The following FAM120B variants were observed in gnomAD, a reference collection of about 807,000 sequenced individuals.
FAM120B encodes family with sequence similarity 120 member B, also known as constitutive coactivator of peroxisome proliferator-activated receptor gamma.
In FAM120B, 83 loss-of-function variants were observed where a neutral mutation model predicts 96.3. The observed-to-expected ratio is 0.86, with a 90% confidence interval of 0.72 to 1.03. The LOEUF (loss-of-function observed/expected upper bound fraction) is 1.03, where lower values mean the gene tolerates loss of function less well. Among genes scored for constraint, FAM120B ranks in the 50% least tolerant of loss-of-function variants. FAM120B has a pLI of 0.00. For synonymous variants in FAM120B, 407 were observed against 402.7 expected, an observed-to-expected ratio of 1.01 and a Z score of -0.13; for missense variants, 1,027 against 1,121.2, an observed-to-expected ratio of 0.92 and a Z score of 1.20.
chr6:170,315,308 T>C (rs998537955), intron 1 of FAM120B, among the ~76,000 whole-genome samples: 1 of 152,244 alleles, frequency 6.6e-6, no homozygotes, highest in African/African-American at 2.4e-5. Flanking sequence ...TGGTGAAATC[T>C]AAGCCTTCTT....
chr6:170,302,033 A>G (rs1019889046), upstream of FAM120B, among the ~76,000 whole-genome samples: 1 of 152,166 alleles, frequency 6.6e-6, no homozygotes, highest in African/African-American at 2.4e-5. Flanking sequence ...GTATCTTTAC[A>G]ACAGCACCTC....
At chr6:170,356,747 T>C (rs1787980263) in intron 5 of FAM120B, among the ~76,000 whole-genome samples, 1 of 152,208 alleles carries the variant, frequency 6.6e-6, no homozygotes, top group Admixed American at 6.5e-5. Context: ...AATTCAAACC[T>C]GTATTGTCAG....
intron 9 of FAM120B, among the ~76,000 whole-genome samples, chr6:170,398,278 G>A (rs1778312302): frequency 6.6e-6 from 1 of 152,250 alleles, no homozygotes; most frequent in Admixed American, 6.5e-5. Context: ...TTGAATGGTG[G>A]GTGAGACATT....
chr6:170,395,411 C>A, intron 8 of FAM120B, 76 bp from the exon 9 acceptor site: 2 of 1,201,102 alleles, frequency 1.7e-6, no homozygotes, highest in Non-Finnish European at 2.4e-6. Context: ...TGCTGCCTTG[C>A]CACCCTTTAC....
chr6:170,368,259 G>A (rs1788927105), intron 6 of FAM120B, among the ~76,000 whole-genome samples: 1 of 152,178 alleles, frequency 6.6e-6, no homozygotes, highest in African/African-American at 2.4e-5. Flanking sequence ...AAAGGCCAAG[G>A]TTCCGAGTTC....
rs191829737 is a variant in FAM120B at position 170,333,861 on chromosome 6, A to G, written c.2017+3311A>G. Among the ~76,000 whole-genome samples the G allele has an allele frequency of 2.4e-3, 371 of 152,216 alleles. 2 individuals carry two copies. Among genetic ancestry groups the G allele is most frequent in the Non-Finnish European group, 3.9e-3 (268 of 68,012 alleles). The stretch of plus-strand genomic sequence containing the variant: ...TATACTACATTTCATTTCTTTTACA[A>G]TATATCATGGAAGATGATGTTTCTG... On this transcript the variant is annotated intron_variant, in intron 4 of 10. Coordinates refer to ENST00000476287, the MANE Select transcript of FAM120B (RefSeq NM_032448.3).
chr6:170,366,925 T>A (rs2103816), intron 6 of FAM120B, among the ~76,000 whole-genome samples: 87,415 of 151,922 alleles, frequency 0.58, 26,926 homozygotes, highest in Non-Finnish European at 0.68. Flanking sequence ...CTTGTTGCCA[T>A]ATTCATATTC....
chr6:170,332,646 C>T (rs111904514), intron 4 of FAM120B, among the ~76,000 whole-genome samples: 9,893 of 151,880 alleles, frequency 0.065, 1,199 homozygotes, highest in East Asian at 0.57. Flanking sequence ...TGCAGTGAGC[C>T]GAGATCACGC....
chr6:170,324,551 T>C (rs1398519762), intron 3 of FAM120B, among the ~76,000 whole-genome samples: 1 of 152,220 alleles, frequency 6.6e-6, no homozygotes, highest in Non-Finnish European at 1.5e-5. Flanking sequence ...ATGAAAACAT[T>C]TTTACATTAA....
At chr6:170,380,163 T>C (rs1789819535) in intron 6 of FAM120B, among the ~76,000 whole-genome samples, 1 of 152,252 alleles carries the variant, frequency 6.6e-6, no homozygotes, top group African/African-American at 2.4e-5. Flanking sequence ...TCCGTGTTGT[T>C]ACAACATGAC....
rs184340850 is a variant in FAM120B at position 170,403,018 on chromosome 6, C to G, written c.2693-1532C>G. 2.0e-5 allele frequency among the ~76,000 whole-genome samples: 3 copies of G among 152,168 alleles called. No individual in the cohort carries two copies. In the East Asian group the frequency reaches 5.8e-4, roughly 29 times the overall value. ...CTCTGGGAGACTCTTAGGTTAAAGGCAAAATTGAGATGTTAAATGCTGAGT... is the reference window on the plus strand; with the variant it reads ...CTCTGGGAGACTCTTAGGTTAAAGGGAAAATTGAGATGTTAAATGCTGAGT... On this transcript the variant is annotated intron_variant, in intron 9 of 10. Coordinates refer to ENST00000476287, the MANE Select transcript of FAM120B (RefSeq NM_032448.3).
At chr6:170,338,844 CTT>C (rs61188907) in intron 4 of FAM120B, among the ~76,000 whole-genome samples, 35 of 85,396 alleles carry the variant, frequency 4.1e-4, no homozygotes, top group African/African-American at 1.0e-3. Context: ...TTGCAACCTG[CTT>C]TTTTTTTTTT....
intron 5 of FAM120B, among the ~76,000 whole-genome samples, chr6:170,356,733 A>G (rs892911586): frequency 1.3e-5 from 2 of 152,172 alleles, no homozygotes; most frequent in African/African-American, 4.8e-5. Context: ...AAGTGAACCC[A>G]TGCAATTCAA....
chr6:170,306,390 C>T (rs978126735), upstream of FAM120B: 4 of 152,312 alleles, frequency 2.6e-5, no homozygotes, highest in Non-Finnish European at 5.9e-5. Flanking sequence ...CCTGAGGCCC[C>T]GGGAGCCGCC....
chr6:170,392,662 T>G (rs1583309272), intron 8 of FAM120B, among the ~76,000 whole-genome samples: 1 of 152,320 alleles, frequency 6.6e-6, no homozygotes, highest in East Asian at 1.9e-4. Context: ...CAGCCCAGAT[T>G]CTTATCCACC....
intron 6 of FAM120B, among the ~76,000 whole-genome samples, chr6:170,376,432 C>A (rs568625624): frequency 6.6e-6 from 1 of 151,482 alleles, no homozygotes; most frequent in South Asian, 2.1e-4. Context: ...CATTGAAGGA[C>A]CAGCAGAAAG....
chr6:170,376,691 A>G (rs1789540850), intron 6 of FAM120B, among the ~76,000 whole-genome samples: 1 of 152,180 alleles, frequency 6.6e-6, no homozygotes, highest in Non-Finnish European at 1.5e-5. Context: ...GTTACGGATG[A>G]GTGGTGAGGC....
chr6:170,406,218 T>C lies in FAM120B; in HGVS notation c.*1467T>C, dbSNP rs1251992253. 1 of 152,236 alleles carries C rather than the reference T, an allele frequency of 6.6e-6. No homozygotes were observed. The highest frequency in any genetic ancestry group is 1.5e-5 in the Non-Finnish European group (1 of 68,074). 9.4% of individuals were successfully genotyped at this position (152,236 alleles called of 1,614,324 possible). ...CCGTCTTCCAGAAACCTCGAACTTA[T>C]GTCTGTCTCCACCTGAGAAAGGAGA... On this transcript the variant is annotated 3_prime_UTR_variant, in exon 11 of 11. Coordinates refer to ENST00000476287, the MANE Select transcript of FAM120B (RefSeq NM_032448.3).
At position 170,373,465 on chromosome 6, in the gene FAM120B, T is replaced by G. The variant is rs553151015; in HGVS notation, c.2284-14822T>G. 3.9e-5 allele frequency among the ~76,000 whole-genome samples: 6 copies of G among 152,326 alleles called. No homozygotes were observed. The South Asian group carries it at 1.2e-3, about 32-fold the overall frequency. On this transcript the variant is annotated intron_variant, in intron 6 of 10. Transcript: ENST00000476287. ...GTCACCAGGTGACTTTCTCTGTTGC[T>G]GAAAAGATAACCTCAGATCCTCAGA...
Sources: gnomAD v4.1 joint callset for allele counts (sites outside exome capture counted in the v4.1 genomes callset) on GRCh38, gnomAD v4.1.1 for gene constraint, MANE v1.5 for transcripts, NCBI Gene and HGNC (gene_info 2026-07-23, HGNC 2026-07-21) for gene names.